Variants in UBR1 observed in about 807,000 individuals in gnomAD.
UBR1 encodes the protein ubiquitin protein ligase E3 component n-recognin 1, also known as E3 ubiquitin-protein ligase UBR1.
A neutral mutation model predicts 242.1 loss-of-function variants in UBR1; 102 were observed. The ratio of observed to expected loss-of-function variants is 0.42; its 90% CI spans 0.36 to 0.50. The LOEUF (loss-of-function observed/expected upper bound fraction) is 0.50. Ranked by LOEUF, UBR1 falls within the 20% of genes least tolerant of loss-of-function variation. UBR1 has a pLI of 0.01. For synonymous variants in UBR1, 675 were observed against 684.8 expected (o/e 0.99, Z 0.22); for missense variants, 1,772 against 2,101.8 (o/e 0.84, Z 3.07).
At chr15:43,018,385 CATTA>C (rs2033059379) in intron 27 of UBR1, among the ~76,000 whole-genome samples, 1 of 152,018 alleles carries the variant, frequency 6.6e-6, no homozygotes, top group Non-Finnish European at 1.5e-5. Flanking sequence ...TGAATGCATT[CATTA>C]ATTCATTAAT....
At chr15:43,053,827 AT>A (rs752733899) in intron 12 of UBR1, among the ~76,000 whole-genome samples, 292 of 132,076 alleles carry the variant, frequency 2.2e-3, no homozygotes, top group African/African-American at 2.3e-3. Flanking sequence ...TACAGACGCA[AT>A]TTTTTTTTTT....
intron 12 of UBR1, among the ~76,000 whole-genome samples, chr15:43,051,489 G>A (rs896865536): frequency 4.0e-5 from 6 of 151,832 alleles, no homozygotes; most frequent in African/African-American, 1.5e-4. Flanking sequence ...TTAATACTTG[G>A]GTGACAAAAT....
intron 1 of UBR1, among the ~76,000 whole-genome samples, chr15:43,093,189 C>G (rs1001779957): frequency 1.6e-4 from 24 of 152,206 alleles, no homozygotes; most frequent in Non-Finnish European, 2.8e-4. Flanking sequence ...ATGTTTTCAA[C>G]TCTGACCCAA....
At position 43,067,131 on chromosome 15, in the gene UBR1, G is replaced by T. The variant is rs542259336; in HGVS notation, c.798+767C>A. ...TCAAAGAGTTGACTTATGGTTATAG[G>T]GCTTAAATGAGATATTACACATAAA... is the stretch of plus-strand genomic sequence containing the variant. On this transcript the variant is annotated intron_variant, in intron 6 of 46. Coordinates refer to ENST00000290650, the MANE Select transcript of UBR1 (RefSeq NM_174916.3). Among the ~76,000 whole-genome samples the T allele has an allele frequency of 5.9e-5, 9 of 152,116 alleles. No individual in the cohort carries two copies. In the South Asian group the frequency reaches 1.9e-3, roughly 32 times the overall value.
chr15:43,067,220 C>T (rs1215529792), intron 6 of UBR1, among the ~76,000 whole-genome samples: 1 of 151,892 alleles, frequency 6.6e-6, no homozygotes, highest in Admixed American at 6.6e-5. Context: ...TGTTCGTACC[C>T]TTTTGTTTTT....
At chr15:43,046,429 A>G (rs1191814625) in intron 14 of UBR1, among the ~76,000 whole-genome samples, 1 of 152,206 alleles carries the variant, frequency 6.6e-6, no homozygotes, top group Non-Finnish European at 1.5e-5. Flanking sequence ...GTGTTTATAG[A>G]CAATTGAATA....
At position 43,056,699 on chromosome 15, in the gene UBR1, A is replaced by AAAAC. The variant is rs199934170; in HGVS notation, c.1183-261_1183-258dup. Among the ~76,000 whole-genome samples, 208 of 152,302 alleles carry AAAAC rather than the reference A, an allele frequency of 1.4e-3. 3 individuals are homozygous for AAAAC. The East Asian group carries it at 0.037, about 27-fold the overall frequency. The stretch of plus-strand genomic sequence containing the variant: ...CTATTAAAATATACACATAGGTTAA[A>AAAAC]AAACAAACAAACAAACAAACAAAAA... On this transcript the variant is annotated intron_variant, in intron 10 of 46. Coordinates refer to ENST00000290650, the MANE Select transcript of UBR1 (RefSeq NM_174916.3).
intron 20 of UBR1, among the ~76,000 whole-genome samples, chr15:43,031,332 T>C (rs1261933680): frequency 6.6e-6 from 1 of 151,394 alleles, no homozygotes; most frequent in Non-Finnish European, 1.5e-5. Context: ...ACAGTAAAAA[T>C]AAAACAGCAA....
intron 29 of UBR1, among the ~76,000 whole-genome samples, chr15:43,013,623 G>A (rs528141096): frequency 1.3e-5 from 2 of 152,288 alleles, no homozygotes; most frequent in East Asian, 3.9e-4. Flanking sequence ...AAGTGCTAAT[G>A]CACACAAAAT....
intron 26 of UBR1, 93 bp downstream of exon 26, chr15:43,022,609 G>T: frequency 2.2e-6 from 2 of 902,922 alleles, no homozygotes; most frequent in Non-Finnish European, 1.7e-6. Flanking sequence ...TTAAAACTCT[G>T]TAAGATATAA....
At chr15:43,105,906 G>C (rs572247857) in intron 1 of UBR1, 36 bp downstream of exon 1, 47 of 1,601,074 alleles carry the variant, frequency 2.9e-5, no homozygotes, top group East Asian at 2.0e-4. Context: ...GAGGGACCGG[G>C]GGGAGGACAA....
intron 9 of UBR1, 113 bp downstream of exon 9, chr15:43,058,972 C>A (rs2033650261): frequency 2.3e-6 from 2 of 871,688 alleles, no homozygotes; most frequent in Non-Finnish European, 3.7e-6. Context: ...TCTTATCAAT[C>A]AAGATTACAG....
At chr15:43,043,184 G>C (rs1451573664) in intron 15 of UBR1, 31 bp downstream of exon 15, 5 of 1,610,820 alleles carry the variant, frequency 3.1e-6, no homozygotes, top group Non-Finnish European at 3.4e-6. Flanking sequence ...AAGCTAATAG[G>C]TATATGCAAA....
At chr15:43,013,393 C>T (rs2032955596) in intron 29 of UBR1, among the ~76,000 whole-genome samples, 1 of 152,206 alleles carries the variant, frequency 6.6e-6, no homozygotes, top group Non-Finnish European at 1.5e-5. Context: ...GAGCATACCA[C>T]AGTCAGAACT....
intron 19 of UBR1, 33 bp from the exon 20 acceptor site, chr15:43,032,664 GAAGAACCA>G: frequency 7.4e-7 from 1 of 1,352,140 alleles, no homozygotes. Flanking sequence ...ATTAGTTATG[GAAGAACCA>G]AAAACCTCCA....
intron 5 of UBR1, 36 bp downstream of exon 5, chr15:43,070,759 T>C (rs1490701560): frequency 1.2e-6 from 2 of 1,610,372 alleles, no homozygotes; most frequent in South Asian, 1.1e-5. Flanking sequence ...CAAATAACCA[T>C]CACTAAAACT....
At chr15:43,041,442 G>A (rs1356181567) in intron 15 of UBR1, among the ~76,000 whole-genome samples, 1 of 152,002 alleles carries the variant, frequency 6.6e-6, no homozygotes, top group African/African-American at 2.4e-5. Flanking sequence ...GGGGCCTGTC[G>A]TGGGGTTGGG....
chr15:42,959,464 TCCATA>T (rs570854054), intron 43 of UBR1, among the ~76,000 whole-genome samples: 28 of 152,334 alleles, frequency 1.8e-4, no homozygotes, highest in African/African-American at 6.5e-4. Flanking sequence ...AATGGTATAT[TCCATA>T]CATCATTATA....
intron 29 of UBR1, among the ~76,000 whole-genome samples, chr15:43,007,515 G>A (rs2032851454): frequency 6.6e-6 from 1 of 151,366 alleles, no homozygotes; most frequent in African/African-American, 2.4e-5. Context: ...ATGATAAAAT[G>A]GAATGTATAT....
Sources: allele counts gnomAD v4.1 joint callset (sites outside exome capture counted in the v4.1 genomes callset), GRCh38; gene constraint gnomAD v4.1.1; transcripts MANE v1.5; gene names NCBI Gene and HGNC (gene_info 2026-07-23, HGNC 2026-07-21).